Variants in NUMB observed in about 807,000 individuals in gnomAD.
NUMB encodes protein numb homolog.
A neutral mutation model predicts 59.7 loss-of-function variants in NUMB; 29 were observed. That is an observed-to-expected ratio of 0.49 (90% CI 0.36 to 0.66). The LOEUF is 0.66. Among genes scored for constraint, NUMB ranks in the 30% least tolerant of loss-of-function variants. The pLI, the probability that NUMB is intolerant of heterozygous loss-of-function variation, is 0.00. For synonymous variants in NUMB, 288 were observed against 288.2 expected, an observed-to-expected ratio of 1.00 and a Z score of 0.01; for missense variants, 723 against 822.0, an observed-to-expected ratio of 0.88 and a Z score of 1.47.
At chr14:73,401,405 CA>C (rs112152192) in intron 2 of NUMB, among the ~76,000 whole-genome samples, 18 of 133,044 alleles carry the variant, frequency 1.4e-4, no homozygotes, top group South Asian at 2.4e-4. Flanking sequence ...CCAAAACTAA[CA>C]AAAAAAAAAA....
rs543457085 is a variant in NUMB, at chr14:73,405,753, C to A, written c.-101+4184G>T. Reference sequence around the variant, plus strand: ...TTTCTCTCCATCCTGTGGAGCCGTGCCTCCAAGTGGGCAGGACAAACTCTG... The same window carrying A: ...TTTCTCTCCATCCTGTGGAGCCGTGACTCCAAGTGGGCAGGACAAACTCTG... On this transcript the variant is annotated intron_variant, in intron 2 of 12. Transcript: ENST00000555238. Among the ~76,000 whole-genome samples, 4 of 151,750 alleles carry A rather than the reference C, an allele frequency of 2.6e-5. No individual in the cohort carries two copies. The South Asian group carries it at 8.3e-4, about 32-fold the overall frequency.
At chr14:73,365,128 C>A (rs1894279507) in intron 3 of NUMB, among the ~76,000 whole-genome samples, 1 of 152,156 alleles carries the variant, frequency 6.6e-6, no homozygotes, top group African/African-American at 2.4e-5. Flanking sequence ...CAACCTCCAC[C>A]TCCCAGGTTC....
Position 73,284,335 on chromosome 14 carries a change from G to A in NUMB, c.695C>T (p.Pro232Leu). The A allele has an allele frequency of 6.2e-7, 1 of 1,614,064 alleles. No individual in the cohort carries two copies. The highest frequency in any genetic ancestry group is 8.5e-7 in the Non-Finnish European group (1 of 1,179,950). The change falls in exon 10 of 13, where the codon CCT (proline) becomes CTT (leucine). Residue 232 changes from proline (P) to leucine (L), a missense_variant. This residue lies in a region of NUMB where 317 missense variants were observed against 436.6 expected (regional missense o/e 0.73). Coordinates refer to ENST00000555238, the MANE Select transcript of NUMB (RefSeq NM_001005743.2). ...GGATGGGGATGGGGCAGTGTTGCCA[G>A]GGGCAACTGATGAACCAACGACTAT... ...DKIVVGSSVA[P>L]GNTAPSPSSP...
At chr14:73,374,928 C>T (rs896457990) in intron 2 of NUMB, among the ~76,000 whole-genome samples, 1 of 151,826 alleles carries the variant, frequency 6.6e-6, no homozygotes, top group Non-Finnish European at 1.5e-5. Context: ...ACCATGTTGG[C>T]CAGGCTGGTC....
chr14:73,437,352 C>T (rs761432149), intron 1 of NUMB, among the ~76,000 whole-genome samples: 2 of 152,224 alleles, frequency 1.3e-5, no homozygotes, highest in East Asian at 1.9e-4. Context: ...TTCTCTTAAT[C>T]GTGCTCAGTC....
intron 2 of NUMB, among the ~76,000 whole-genome samples, chr14:73,385,111 C>T (rs542235353): frequency 6.6e-6 from 1 of 151,794 alleles, no homozygotes; most frequent in South Asian, 2.1e-4. Flanking sequence ...AATATGGTAG[C>T]CATTAACCAG....
At chr14:73,324,615 T>A (rs976929145) in intron 4 of NUMB, among the ~76,000 whole-genome samples, 26 of 140,650 alleles carry the variant, frequency 1.8e-4, no homozygotes, top group East Asian at 1.8e-3. Flanking sequence ...ACTAACAAAG[T>A]TTTTTTTTTT....
intron 2 of NUMB, among the ~76,000 whole-genome samples, chr14:73,376,529 G>GA (rs61101874): frequency 0.032 from 4,562 of 141,308 alleles, 217 homozygotes; most frequent in African/African-American, 0.1. Flanking sequence ...AGTTTATATG[G>GA]AAAAAAAAAA....
chr14:73,327,971 C>A (rs887449972), intron 4 of NUMB, among the ~76,000 whole-genome samples: 1 of 152,118 alleles, frequency 6.6e-6, no homozygotes, highest in African/African-American at 2.4e-5. Flanking sequence ...TATAATTTTG[C>A]CTTTTAAAGA....
At chr14:73,355,441 A>G (rs989600796) in intron 4 of NUMB, among the ~76,000 whole-genome samples, 185 bp downstream of exon 4, 7 of 152,238 alleles carry the variant, frequency 4.6e-5, no homozygotes, top group African/African-American at 7.2e-5. Flanking sequence ...CTCCCTAATT[A>G]AAATCTATCT....
intron 1 of NUMB, among the ~76,000 whole-genome samples, chr14:73,442,213 G>GA (rs551800592): frequency 0.021 from 2,799 of 135,050 alleles, 41 homozygotes; most frequent in Non-Finnish European, 0.031. Context: ...AAAAAAGAAA[G>GA]AAAAAAAAAA....
At chr14:73,304,349 C>T (rs1890308779) in intron 6 of NUMB, among the ~76,000 whole-genome samples, 1 of 152,108 alleles carries the variant, frequency 6.6e-6, no homozygotes, top group South Asian at 2.1e-4. Context: ...CTTATTCTGA[C>T]ACCCAGGCTG....
At chr14:73,379,091 T>C (rs768617502) in intron 2 of NUMB, among the ~76,000 whole-genome samples, 6 of 152,216 alleles carry the variant, frequency 3.9e-5, no homozygotes, top group Admixed American at 6.5e-5. Flanking sequence ...GACCTCTCCA[T>C]GATCAAGGAG....
intron 2 of NUMB, among the ~76,000 whole-genome samples, chr14:73,381,066 G>A (rs985562185): frequency 2.6e-5 from 4 of 152,054 alleles, no homozygotes; most frequent in Admixed American, 1.3e-4. Flanking sequence ...TTTATTGTTA[G>A]TATTTAACCA....
chr14:73,363,234 T>C (rs1197608567), intron 3 of NUMB, among the ~76,000 whole-genome samples: 1 of 151,608 alleles, frequency 6.6e-6, no homozygotes, highest in Non-Finnish European at 1.5e-5. Flanking sequence ...GAGGTGGAGG[T>C]TGCAGTGAGC....
intron 1 of NUMB, among the ~76,000 whole-genome samples, chr14:73,452,075 AC>A (rs1296435861): frequency 6.6e-6 from 1 of 151,596 alleles, no homozygotes; most frequent in Non-Finnish European, 1.5e-5. Flanking sequence ...CAAAAAAAAA[AC>A]TGGCCAGGCG....
At chr14:73,356,903 G>C (rs1472642583) in intron 3 of NUMB, 1 of 203,128 alleles carries the variant, frequency 4.9e-6, no homozygotes, top group African/African-American at 2.4e-5. Flanking sequence ...TCACTATGTT[G>C]ATCAGGCTGG....
chr14:73,279,237 T>C, intron 12 of NUMB, 44 bp downstream of exon 12: 1 of 1,613,144 alleles, frequency 6.2e-7, no homozygotes, highest in Non-Finnish European at 8.5e-7. Flanking sequence ...CCAGGGTCAC[T>C]TATCTGATCC....
intron 4 of NUMB, among the ~76,000 whole-genome samples, chr14:73,353,213 T>A (rs1893560780): frequency 6.7e-6 from 1 of 150,322 alleles, no homozygotes; most frequent in African/African-American, 2.5e-5. Context: ...GCTTCCTGAG[T>A]AGCTGGGATT....
Sources: gnomAD v4.1 joint callset for allele counts (sites outside exome capture counted in the v4.1 genomes callset) on GRCh38, gnomAD v4.1.1 for gene constraint, gnomAD v4.1.1 regional missense constraint, MANE v1.5 for transcripts, NCBI Gene and HGNC (gene_info 2026-07-23, HGNC 2026-07-21) for gene names.